The following ONECUT1 variants were observed in gnomAD, a reference collection of about 807,000 sequenced individuals.
The protein encoded by ONECUT1 is one cut homeobox 1, also known as hepatocyte nuclear factor 6.
In ONECUT1, 12 loss-of-function variants were observed where a neutral mutation model predicts 25.6. That is an observed-to-expected ratio of 0.47 (90% CI 0.30 to 0.76). The LOEUF (loss-of-function observed/expected upper bound fraction) is 0.76. Ranked by LOEUF, ONECUT1 falls within the 30% of genes least tolerant of loss-of-function variation. The probability of loss-of-function intolerance (pLI) is 0.07; values close to 1 mark genes in which losing one functional copy is unlikely to be tolerated. For synonymous variants in ONECUT1, 285 were observed against 270.2 expected (o/e 1.05, Z -0.54); for missense variants, 620 against 651.2 (o/e 0.95, Z 0.52).
intron 1 of ONECUT1, among the ~76,000 whole-genome samples, chr15:52,776,975 C>T (rs768001776): frequency 2.7e-4 from 41 of 152,184 alleles, no homozygotes; most frequent in Non-Finnish European, 5.0e-4. Flanking sequence ...ACCTGAGGGT[C>T]TACAGTTCTT....
At chr15:52,777,773 C>G (rs1045238980) in intron 1 of ONECUT1, among the ~76,000 whole-genome samples, 4 of 148,914 alleles carry the variant, frequency 2.7e-5, no homozygotes, top group African/African-American at 1.0e-4. Flanking sequence ...CTCTTCCCTG[C>G]TAGACTGTGA....
intron 1 of ONECUT1, among the ~76,000 whole-genome samples, chr15:52,763,865 C>T (rs1286239081): frequency 2.0e-5 from 3 of 152,130 alleles, no homozygotes; most frequent in Non-Finnish European, 4.4e-5. Context: ...CTGCAACATT[C>T]AAATGTGTGA....
At chr15:52,771,806 TTGGAGAGCC>T (rs1262782299) in intron 1 of ONECUT1, among the ~76,000 whole-genome samples, 1 of 152,214 alleles carries the variant, frequency 6.6e-6, no homozygotes, top group Non-Finnish European at 1.5e-5. Context: ...GCCCAATAAA[TTGGAGAGCC>T]ACTTGCTCCT....
Position 52,784,903 on chromosome 15 carries a change from CAG to C in ONECUT1, c.1105+3875_1105+3876del, listed in dbSNP as rs982366688. 2.0e-5 allele frequency among the ~76,000 whole-genome samples: 3 copies of C among 152,220 alleles called. No homozygotes were observed. The highest frequency in any genetic ancestry group is 7.2e-5 in the African/African-American group (3 of 41,452). ...CTGGCGGCGCCCCTCGCCCCGGGCT[CAG>C]AGGCGGACACGGTCGGTCGCGCCCT... On this transcript the variant is annotated intron_variant, in intron 1 of 1. Coordinates refer to ENST00000305901, the MANE Select transcript of ONECUT1 (RefSeq NM_004498.4). This position sits in a 1 kb window ranked among gnomAD's most constrained non-coding sequence, Gnocchi z 5.0.
Position 52,772,376 on chromosome 15 carries a change from A to G in ONECUT1, c.1106-14529T>C, listed in dbSNP as rs141012887. 4.6e-3 allele frequency among the ~76,000 whole-genome samples: 685 copies of G among 149,078 alleles called. 17 individuals are homozygous for G. The East Asian group carries it at 0.046, about 10-fold the overall frequency. On this transcript the variant is annotated intron_variant, in intron 1 of 1. Transcript: ENST00000305901. ...GCCACTGCACTCCAGCCTGGGCGAC[A>G]GAGCGAGACTCCATCTAAAAAAAAA...
intron 1 of ONECUT1, chr15:52,786,874 A>AG (rs1433840767): frequency 6.6e-6 from 1 of 152,250 alleles, no homozygotes; most frequent in Non-Finnish European, 1.5e-5. Context: ...GTTTTCCCGG[A>AG]GGGGTAGCCT....
intron 1 of ONECUT1, among the ~76,000 whole-genome samples, chr15:52,777,430 T>C (rs1006215990): frequency 3.9e-5 from 6 of 152,186 alleles, no homozygotes; most frequent in African/African-American, 1.2e-4. Flanking sequence ...TCCCTACCAC[T>C]GAAAACCACA....
At chr15:52,764,627 T>A (rs141848600) in intron 1 of ONECUT1, among the ~76,000 whole-genome samples, 1 of 152,188 alleles carries the variant, frequency 6.6e-6, no homozygotes, top group Non-Finnish European at 1.5e-5. Flanking sequence ...CTAGAATATG[T>A]TGTCCTAACA....
intron 1 of ONECUT1, among the ~76,000 whole-genome samples, chr15:52,758,048 C>A (rs901198693): frequency 3.3e-5 from 5 of 152,240 alleles, no homozygotes; most frequent in South Asian, 2.1e-4. Flanking sequence ...TTCTGTGAGG[C>A]CTGGGCATGG....
In ONECUT1 at chr15:52,790,037, C is replaced by CCGTGTGTGTGTGTCCGTGTGTGCGTGTG. The variant is rs2083910328; in HGVS notation, c.-181_-154dup. On this transcript the variant is annotated 5_prime_UTR_variant, in exon 1 of 2. Coordinates refer to ENST00000305901, the MANE Select transcript of ONECUT1 (RefSeq NM_004498.4). ...GCTCTGTCTCTCTCTCTCTCTCTCT[C>CCGTGTGTGTGTGTCCGTGTGTGCGTGTG]CGTGTGTGTGTGTCCGTGTGTGCGT... The CCGTGTGTGTGTGTCCGTGTGTGCGTGTG allele has an allele frequency of 2.6e-6, 3 of 1,157,388 alleles. No individual in the cohort carries two copies. The highest frequency in any genetic ancestry group is 3.4e-6 in the Non-Finnish European group (3 of 892,324). The allele number at this position is 1,157,388 out of a possible 1,614,324, so 71.7% of individuals were successfully genotyped here.
intron 1 of ONECUT1, among the ~76,000 whole-genome samples, chr15:52,761,226 T>A (rs537342438): frequency 6.6e-6 from 1 of 152,324 alleles, no homozygotes; most frequent in Non-Finnish European, 1.5e-5. Flanking sequence ...ACCTACATTG[T>A]TGTTCAACTC....
In ONECUT1 at chr15:52,789,244, G is replaced by T. The variant is rs1305404403; in HGVS notation, c.641C>A (p.Thr214Asn). The T allele has an allele frequency of 2.6e-6, 4 of 1,551,712 alleles. No individual in the cohort carries two copies. The East Asian group carries it at 9.0e-5, about 35-fold the overall frequency. The change falls in exon 1 of 2, where the codon ACC becomes AAC. Residue 214 changes from threonine to asparagine, a missense_variant. Thr to Asn is a moderately conservative substitution (Grantham distance 65, BLOSUM62 0). Coordinates refer to ENST00000305901, the MANE Select transcript of ONECUT1 (RefSeq NM_004498.4). The surrounding 1 kb of genome is among the most constrained non-coding windows in gnomAD (Gnocchi z 4.1). ...GAAMPTDKML[T>N]PNGFEAHHPA... ...GTGGTGGGCTTCGAAGCCGTTGGGG[G>T]TGAGCATCTTGTCGGTGGGCATGGC...
intron 1 of ONECUT1, chr15:52,780,923 G>C: frequency 7.9e-7 from 1 of 1,259,686 alleles, no homozygotes; most frequent in Non-Finnish European, 1.0e-6. Flanking sequence ...GAAACACATG[G>C]TGACTGGAAA....
intron 1 of ONECUT1, chr15:52,781,134 G>C (rs1021322323): frequency 7.7e-5 from 12 of 156,056 alleles, no homozygotes; most frequent in African/African-American, 2.7e-4. Context: ...GCCAATGCCT[G>C]AAGGTATGGG....
intron 1 of ONECUT1, among the ~76,000 whole-genome samples, chr15:52,777,545 C>T (rs1342801743): frequency 6.6e-6 from 1 of 152,106 alleles, no homozygotes; most frequent in Non-Finnish European, 1.5e-5. Flanking sequence ...TCTAAGAGCT[C>T]TTCTACAAAA....
chr15:52,788,755 G>GC lies in ONECUT1; in HGVS notation c.1105+24dup, dbSNP rs752454613. On this transcript the variant is annotated intron_variant, in intron 1 of 1. Coordinates refer to ENST00000305901, the MANE Select transcript of ONECUT1 (RefSeq NM_004498.4). This position sits in a 1 kb window ranked among gnomAD's most constrained non-coding sequence, Gnocchi z 4.3. Reference sequence around the variant, plus strand: ...GGCTTTCGTGTACCTTATCTCCCGCGCGCCCAGCTCCTTGGCCGGCTCACC... The same window carrying GC: ...GGCTTTCGTGTACCTTATCTCCCGCGCCGCCCAGCTCCTTGGCCGGCTCACC... 9 of 1,588,124 alleles carry GC rather than the reference G, an allele frequency of 5.7e-6. No homozygotes were observed. In the South Asian group the frequency reaches 9.1e-5, roughly 16 times the overall value.
At chr15:52,775,969 G>GGGAT (rs1164356345) in intron 1 of ONECUT1, among the ~76,000 whole-genome samples, 1 of 152,184 alleles carries the variant, frequency 6.6e-6, no homozygotes, top group Non-Finnish European at 1.5e-5. Context: ...TCTAACAGCA[G>GGGAT]GGATGGATTT....
chr15:52,770,367 C>T (rs372959108), intron 1 of ONECUT1, among the ~76,000 whole-genome samples: 4 of 152,244 alleles, frequency 2.6e-5, no homozygotes, highest in Non-Finnish European at 4.4e-5. Context: ...AACCACTCCT[C>T]TAAATCAGTC....
intron 1 of ONECUT1, among the ~76,000 whole-genome samples, chr15:52,760,898 G>A (rs892009074): frequency 2.6e-5 from 4 of 152,120 alleles, no homozygotes; most frequent in Non-Finnish European, 5.9e-5. Flanking sequence ...TACAGTGGGT[G>A]CTGTGGTCTA....
Sources: gnomAD v4.1 joint callset for allele counts (sites outside exome capture counted in the v4.1 genomes callset) on GRCh38, gnomAD v4.1.1 for gene constraint, Gnocchi (gnomAD v3.1) non-coding constraint, MANE v1.5 for transcripts, NCBI Gene and HGNC (gene_info 2026-07-23, HGNC 2026-07-21) for gene names.